MARF1: variants seen among roughly 807,000 people sequenced by gnomAD.
The protein encoded by MARF1 is meiosis regulator and mRNA stability factor 1, also known as limkain-b1.
Under a neutral mutation model 168.2 loss-of-function variants are expected in MARF1, and 24 were observed. That is an observed-to-expected ratio of 0.14 (90% CI 0.10 to 0.20). The LOEUF is 0.20. MARF1 is among the 10% of genes least tolerant of loss of function. The probability of loss-of-function intolerance (pLI) is 1.00; values close to 1 mark genes in which losing one functional copy is unlikely to be tolerated. For missense variants in MARF1, 1,744 were observed against 2,143.6 expected, an observed-to-expected ratio of 0.81 and a Z score of 3.68; for synonymous variants, 868 against 822.4, an observed-to-expected ratio of 1.06 and a Z score of -0.95.
chr16:15,613,981 T>A (rs1244482627), intron 16 of MARF1, among the ~76,000 whole-genome samples: 1 of 152,164 alleles, frequency 6.6e-6, no homozygotes, highest in Non-Finnish European at 1.5e-5. Flanking sequence ...AAGTAAAGTG[T>A]CGTTCACGGG....
intron 12 of MARF1, 119 bp from the exon 13 acceptor site, chr16:15,620,650 T>G: frequency 3.2e-6 from 2 of 629,392 alleles, no homozygotes; most frequent in African/African-American, 1.9e-5. Context: ...ATTTCTGGTA[T>G]GTCAGAATGT....
chr16:15,602,145 G>A lies in MARF1; in HGVS notation c.4472C>T (p.Ala1491Val). Residue 1491 changes from alanine (A) to valine (V), a missense_variant, in exon 23 of 27, where the codon GCA becomes GTA. Transcript: ENST00000396368. ...CVKLTSLYLF[A>V]KNVRSLLHTY... ...ATGAAGTAAAGACCGCACATTCTTT[G>A]CAAACAAATACAGACTTGTGAGCTT... 6.2e-7 allele frequency: 1 copy of A among 1,614,188 alleles called. No individual in the cohort carries two copies. The highest frequency in any genetic ancestry group is 8.5e-7 in the Non-Finnish European group (1 of 1,180,018).
chr16:15,633,885 T>C lies in MARF1; in HGVS notation c.1007-42A>G, dbSNP rs150249393. On this transcript the variant is annotated intron_variant, in intron 4 of 26. Coordinates refer to ENST00000396368, the MANE Select transcript of MARF1 (RefSeq NM_014647.4). ...ATTTTCAATTACTTGTAGTGGAAAATAAATGGCAAGTTACAATAAGATAAT... is the reference window on the plus strand; with the variant it reads ...ATTTTCAATTACTTGTAGTGGAAAACAAATGGCAAGTTACAATAAGATAAT... 2.7e-6 allele frequency: 4 copies of C among 1,479,708 alleles called. No individual in the cohort carries two copies. In the East Asian group the frequency reaches 9.1e-5, roughly 34 times the overall value. 91.7% of individuals were successfully genotyped at this position (1,479,708 alleles called of 1,614,324 possible).
chr16:15,619,698 A>G (rs2034310748), intron 13 of MARF1, among the ~76,000 whole-genome samples: 1 of 152,198 alleles, frequency 6.6e-6, no homozygotes, highest in Non-Finnish European at 1.5e-5. Flanking sequence ...CTCAAGGACA[A>G]GACCTAAGTC....
At chr16:15,619,946 T>TCC (rs2034332880) in intron 13 of MARF1, among the ~76,000 whole-genome samples, 1 of 152,124 alleles carries the variant, frequency 6.6e-6, no homozygotes, top group African/African-American at 2.4e-5. Flanking sequence ...GGCAGATCAC[T>TCC]TGAGGTCAGG....
intron 3 of MARF1, 177 bp from the exon 4 acceptor site, chr16:15,635,108 T>G (rs1287111648): frequency 1.8e-6 from 1 of 563,254 alleles, no homozygotes; most frequent in South Asian, 2.7e-5. Flanking sequence ...GTTCATAAAT[T>G]CATTTCCAGA....
At chr16:15,631,351 G>C (rs1312073243) in intron 6 of MARF1, 30 bp downstream of exon 6, 1 of 1,438,046 alleles carries the variant, frequency 7.0e-7, no homozygotes, top group Non-Finnish European at 9.8e-7. Flanking sequence ...AGTGAGTTTA[G>C]CTGAAATTAG....
chr16:15,595,530 G>A lies in MARF1; in HGVS notation c.*1163C>T, dbSNP rs941935838. The stretch of plus-strand genomic sequence containing the variant: ...GGCCACCCGTCAGCGGACACCTCAG[G>A]CACCTAGAGAGGAAGGCCATTCCAC... On this transcript the variant is annotated 3_prime_UTR_variant, in exon 27 of 27. Transcript: ENST00000396368. 5 of 152,614 alleles carry A rather than the reference G, an allele frequency of 3.3e-5. No homozygotes were observed. The highest frequency in any genetic ancestry group is 1.3e-4 in the Admixed American group (2 of 15,268). 9.5% of individuals were successfully genotyped at this position (152,614 alleles called of 1,614,324 possible).
chr16:15,604,257 C>T lies in MARF1; in HGVS notation c.4324G>A (p.Glu1442Lys), dbSNP rs757406736. The T allele has an allele frequency of 1.1e-4, 171 of 1,613,990 alleles. No homozygotes were observed. The highest frequency in any genetic ancestry group is 1.0e-4 in the Non-Finnish European group (122 of 1,179,996). Residue 1442 changes from glutamate (E) to lysine (K), a missense_variant, in exon 22 of 27, where the codon GAA becomes AAA. Glu to Lys is a moderately conservative substitution (Grantham distance 56, BLOSUM62 1). This residue lies in a region of MARF1 where 74 missense variants were observed against 66.7 expected (regional missense o/e 1.11). Transcript: ENST00000396368. Reference protein sequence around the residue: ...LSVEELKRHYESTHNTPLNPC... With the variant: ...LSVEELKRHYKSTHNTPLNPC... ...TTAAGGGGAGTGTTGTGGGTACTTTCGTAATGTCTCTTGAGCTCCTCAACA... is the reference window on the plus strand; with the variant it reads ...TTAAGGGGAGTGTTGTGGGTACTTTTGTAATGTCTCTTGAGCTCCTCAACA...
Position 15,624,997 on chromosome 16 carries a change from A to C in MARF1, c.2111+19T>G. On this transcript the variant is annotated intron_variant, in intron 9 of 26. Coordinates refer to ENST00000396368, the MANE Select transcript of MARF1 (RefSeq NM_014647.4). ...TTCACATTCAAGAAGCAGCTATGAG[A>C]AAGAGTAGTTTCACATACTTCTGAC... 1 of 1,613,860 alleles carries C rather than the reference A, an allele frequency of 6.2e-7. No individual in the cohort carries two copies. The highest frequency in any genetic ancestry group is 1.1e-5 in the South Asian group (1 of 91,082).
At chr16:15,599,296 G>C (rs1455378984) in intron 25 of MARF1, 1 of 471,042 alleles carries the variant, frequency 2.1e-6, no homozygotes, top group African/African-American at 2.0e-5. Flanking sequence ...CCAGAGAAAA[G>C]GGTCCTGCAG....
chr16:15,631,078 C>T (rs143407927), intron 6 of MARF1, among the ~76,000 whole-genome samples: 2,514 of 152,070 alleles, frequency 0.017, 34 homozygotes, highest in Non-Finnish European at 0.025. Flanking sequence ...TGCAGTGAGC[C>T]GAGATTGCGC....
At chr16:15,597,364 G>A (rs757354507) in intron 26 of MARF1, among the ~76,000 whole-genome samples, 1 of 152,188 alleles carries the variant, frequency 6.6e-6, no homozygotes, top group African/African-American at 2.4e-5. Context: ...GGGAGCTCCT[G>A]GCCTGCTCCA....
chr16:15,624,936 A>C lies in MARF1; in HGVS notation c.2112-9T>G. On this transcript the variant is annotated splice_polypyrimidine_tract_variant and intron_variant, in intron 9 of 26. Coordinates refer to ENST00000396368, the MANE Select transcript of MARF1 (RefSeq NM_014647.4). ...CACTGAGGTTCTCCTTTCTAACAGAAGGGGAAAATTGAAGGCAAAAGGTCA... is the reference window on the plus strand; with the variant it reads ...CACTGAGGTTCTCCTTTCTAACAGACGGGGAAAATTGAAGGCAAAAGGTCA... 1 of 1,613,928 alleles carries C rather than the reference A, an allele frequency of 6.2e-7. No homozygotes were observed. The highest frequency in any genetic ancestry group is 8.5e-7 in the Non-Finnish European group (1 of 1,179,930).
At position 15,643,104 on chromosome 16, in the gene MARF1, T is replaced by G. The variant is rs1053790138; in HGVS notation, c.-145A>C. 5 of 214,680 alleles carry G rather than the reference T, an allele frequency of 2.3e-5. 1 individual carries two copies. The highest frequency in any genetic ancestry group is 7.4e-5 in the South Asian group (2 of 27,132). 13.3% of individuals were successfully genotyped at this position (214,680 alleles called of 1,614,324 possible). On this transcript the variant is annotated 5_prime_UTR_variant, in exon 1 of 27. Transcript: ENST00000396368. ...CAGGCCCTTTGTTTTGATTCCCGACTCCGCAGCTCCCGCCGCCGCCGCCAA... is the reference window on the plus strand; with the variant it reads ...CAGGCCCTTTGTTTTGATTCCCGACGCCGCAGCTCCCGCCGCCGCCGCCAA...
rs1402222703 is a variant in MARF1 at position 15,608,742 on chromosome 16, A to G, written c.3955-224T>C. 5 of 564,404 alleles carry G rather than the reference A, an allele frequency of 8.9e-6. No individual in the cohort carries two copies. The Admixed American group carries it at 1.3e-4, about 14-fold the overall frequency. The allele number at this position is 564,404 out of a possible 1,614,324, so 35.0% of individuals were successfully genotyped here. A position where few individuals can be genotyped will look rare whatever the true frequency, so the allele number is the denominator to read the frequency against. The stretch of plus-strand genomic sequence containing the variant: ...GAGATATAAAGATAGTTACGAAGGT[A>G]AGTTCTATGTTATGTGTATTGTGCC... On this transcript the variant is annotated intron_variant, in intron 20 of 26. Transcript: ENST00000396368.
At chr16:15,604,643 T>C (rs369904830) in intron 21 of MARF1, among the ~76,000 whole-genome samples, 17 of 152,220 alleles carry the variant, frequency 1.1e-4, no homozygotes, top group East Asian at 3.9e-4. Context: ...AAGATAATAA[T>C]GGGGGAGGAA....
intron 5 of MARF1, among the ~76,000 whole-genome samples, chr16:15,632,634 A>C (rs776174865): frequency 6.6e-6 from 1 of 152,122 alleles, no homozygotes. Context: ...AGGCTCGCAT[A>C]TAAGTCCCCA....
chr16:15,624,435 C>G (rs1157420798), intron 10 of MARF1, among the ~76,000 whole-genome samples: 1 of 152,156 alleles, frequency 6.6e-6, no homozygotes, highest in African/African-American at 2.4e-5. Flanking sequence ...TGAATCAGAA[C>G]CACCAATGCA....
Sources: gnomAD v4.1 joint callset for allele counts (sites outside exome capture counted in the v4.1 genomes callset) on GRCh38, gnomAD v4.1.1 for gene constraint, gnomAD v4.1.1 regional missense constraint, MANE v1.5 for transcripts, NCBI Gene and HGNC (gene_info 2026-07-23, HGNC 2026-07-21) for gene names.